Variants in FARP2 observed in about 807,000 individuals in gnomAD.
The protein encoded by FARP2 is FERM, ARH/RhoGEF and pleckstrin domain protein 2.
Under a neutral mutation model 130.5 loss-of-function variants are expected in FARP2, and 111 were observed. The observed-to-expected ratio is 0.85, with a 90% CI of 0.73 to 1.00. FARP2 has a LOEUF of 1.00. FARP2 is among the 50% of genes least tolerant of loss of function. The pLI, the probability that FARP2 is intolerant of heterozygous loss-of-function variation, is 0.00. For synonymous variants in FARP2, 504 were observed against 516.9 expected, an observed-to-expected ratio of 0.98 and a Z score of 0.34; for missense variants, 1,385 against 1,346.3, an observed-to-expected ratio of 1.03 and a Z score of -0.45.
intron 19 of FARP2, among the ~76,000 whole-genome samples, chr2:241,479,155 A>G (rs2064551071): frequency 6.6e-6 from 1 of 152,182 alleles, no homozygotes; most frequent in Non-Finnish European, 1.5e-5. Context: ...GTGGTGAGAG[A>G]CAGGTCCAGC....
chr2:241,437,726 G>A (rs1194233304), intron 12 of FARP2, among the ~76,000 whole-genome samples: 1 of 148,764 alleles, frequency 6.7e-6, no homozygotes, highest in Non-Finnish European at 1.5e-5. Flanking sequence ...GTATAGTGGC[G>A]CGATCTCGGC....
intron 26 of FARP2, 191 bp from the exon 27 acceptor site, chr2:241,493,817 G>C (rs575283026): frequency 1.9e-6 from 1 of 519,710 alleles, no homozygotes; most frequent in Admixed American, 3.2e-5. Flanking sequence ...GGCTGGTCTC[G>C]AACTCCTGAC....
At chr2:241,419,815 C>A (rs2062762118) in intron 8 of FARP2, among the ~76,000 whole-genome samples, 1 of 152,064 alleles carries the variant, frequency 6.6e-6, no homozygotes, top group African/African-American at 2.4e-5. Context: ...TTTTATCAGC[C>A]TTGTTTGTGA....
At chr2:241,387,472 A>G (rs2061811376) in intron 2 of FARP2, among the ~76,000 whole-genome samples, 1 of 152,238 alleles carries the variant, frequency 6.6e-6, no homozygotes, top group Non-Finnish European at 1.5e-5. Flanking sequence ...TGCACTAGCA[A>G]TGAACAATTC....
At chr2:241,374,620 G>C (rs1442701838) in intron 2 of FARP2, among the ~76,000 whole-genome samples, 3 of 152,170 alleles carry the variant, frequency 2.0e-5, no homozygotes, top group South Asian at 2.1e-4. Flanking sequence ...TGGTGGGTGG[G>C]GCAGTGAAGC....
At chr2:241,481,519 T>A (rs539719173) in intron 19 of FARP2, among the ~76,000 whole-genome samples, 6 of 152,328 alleles carry the variant, frequency 3.9e-5, no homozygotes, top group African/African-American at 1.4e-4. Flanking sequence ...GCCTGTAATA[T>A]ACAGGAAACC....
intron 2 of FARP2, among the ~76,000 whole-genome samples, chr2:241,396,313 CA>C (rs1235050933): frequency 6.6e-6 from 1 of 152,162 alleles, no homozygotes; most frequent in African/African-American, 2.4e-5. Context: ...GCAATAGCAA[CA>C]AAAGCCAAAA....
At chr2:241,426,246 G>A (rs549454381) in intron 8 of FARP2, among the ~76,000 whole-genome samples, 2 of 152,292 alleles carry the variant, frequency 1.3e-5, no homozygotes, top group South Asian at 2.1e-4. Flanking sequence ...TTGCTGGACG[G>A]TGTGGAAGAG....
rs998918208 is a variant in FARP2, at chr2:241,459,126, A to G, written c.1587+2204A>G. Among the ~76,000 whole-genome samples the G allele has an allele frequency of 2.6e-5, 4 of 152,340 alleles. No individual in the cohort carries two copies. Among genetic ancestry groups the G allele is most frequent in the African/African-American group, 9.6e-5 (4 of 41,582 alleles). On this transcript the variant is annotated intron_variant, in intron 14 of 26. Coordinates refer to ENST00000264042, the MANE Select transcript of FARP2 (RefSeq NM_014808.4). This position sits in a 1 kb window ranked among gnomAD's most constrained non-coding sequence, Gnocchi z 5.3. ...TGAGATAGCAAGGCTGTTGCCCAGC[A>G]CAGGTGGGCTCCGAGATGGCAAGGA...
At chr2:241,418,526 C>G (rs1181987500) in intron 8 of FARP2, among the ~76,000 whole-genome samples, 1 of 152,060 alleles carries the variant, frequency 6.6e-6, no homozygotes, top group Non-Finnish European at 1.5e-5. Flanking sequence ...CTGGGCTGGA[C>G]TGTGAGCGCT....
At chr2:241,487,056 G>C (rs575156977) in intron 21 of FARP2, among the ~76,000 whole-genome samples, 1 of 152,322 alleles carries the variant, frequency 6.6e-6, no homozygotes, top group African/African-American at 2.4e-5. Flanking sequence ...TCAGCGTGCT[G>C]GTCACTCTGG....
intron 2 of FARP2, among the ~76,000 whole-genome samples, chr2:241,382,987 A>G (rs1426832612): frequency 6.6e-6 from 1 of 152,254 alleles, no homozygotes; most frequent in Non-Finnish European, 1.5e-5. Context: ...AAAAAAGGAA[A>G]TAAGAATCGA....
At chr2:241,372,555 C>T (rs2061447297) in intron 1 of FARP2, 1 of 152,210 alleles carries the variant, frequency 6.6e-6, no homozygotes, top group Admixed American at 6.5e-5. Flanking sequence ...AGGGGAAGAA[C>T]AGCTGCACGA....
intron 20 of FARP2, 122 bp from the exon 21 acceptor site, chr2:241,484,120 A>G (rs1358359741): frequency 3.4e-6 from 5 of 1,478,980 alleles, no homozygotes; most frequent in South Asian, 2.7e-5. Context: ...CTTTCTGCCA[A>G]AAATCTCCAG....
chr2:241,423,649 T>G lies in FARP2; in HGVS notation c.771+5540T>G, dbSNP rs188983094. 6.8e-3 allele frequency among the ~76,000 whole-genome samples: 1,039 copies of G among 152,230 alleles called. 9 individuals are homozygous for G. Among genetic ancestry groups the G allele is most frequent in the African/African-American group, 0.023 (972 of 41,540 alleles). On this transcript the variant is annotated intron_variant, in intron 8 of 26. Coordinates refer to ENST00000264042, the MANE Select transcript of FARP2 (RefSeq NM_014808.4). ...ATGTAAATGGGCTAAATGCCCCCAA[T>G]TAAAAGACACAGAATGGCAAGCTGG...
chr2:241,377,423 G>C (rs1023744646), intron 2 of FARP2, among the ~76,000 whole-genome samples: 1 of 150,800 alleles, frequency 6.6e-6, no homozygotes, highest in Non-Finnish European at 1.5e-5. Context: ...CTCACTGCAA[G>C]CTCCGCTTCC....
In FARP2 at chr2:241,434,978, C is replaced by A. The variant is rs755299546; in HGVS notation, c.1048C>A (p.Gln350Lys). ...SFRYSGRTQK[Q>K]LVDYFKDSGM... is the part of the protein sequence containing the mutation. ...TATTCACAGTGGAAGAACTCAGAAA[C>A]AACTAGTAGATTATTTCAAAGACAG... is the stretch of plus-strand genomic sequence containing the variant. Residue 350 changes from glutamine (Q) to lysine (K), a missense_variant, in exon 11 of 27, where the codon CAA (glutamine) becomes AAA (lysine). By Grantham distance (53) the Gln-to-Lys change is moderately conservative. Coordinates refer to ENST00000264042, the MANE Select transcript of FARP2 (RefSeq NM_014808.4). 3 of 1,587,446 alleles carry A rather than the reference C, an allele frequency of 1.9e-6. No individual in the cohort carries two copies. The highest frequency in any genetic ancestry group is 1.1e-5 in the South Asian group (1 of 88,936).
chr2:241,494,093 CTGGAGGGGA>C lies in FARP2; in HGVS notation c.3137_3145del (p.Glu1046_Met1048del). ...GGATGGCCCCCAACCCTCCTCAGGG[CTGGAGGGGA>C]TGGTCAGGGGGAAGGAGGAATGACG... is the stretch of plus-strand genomic sequence containing the variant. On this transcript the variant is annotated inframe_deletion, in exon 27 of 27. Coordinates refer to ENST00000264042, the MANE Select transcript of FARP2 (RefSeq NM_014808.4). The surrounding 1 kb of genome is among the most constrained non-coding windows in gnomAD (Gnocchi z 4.9). 1.4e-6 allele frequency: 2 copies of C among 1,470,026 alleles called. No homozygotes were observed. The highest frequency in any genetic ancestry group is 1.8e-6 in the Non-Finnish European group (2 of 1,118,334). The allele number at this position is 1,470,026 out of a possible 1,614,324, so 91.1% of individuals were successfully genotyped here.
At chr2:241,413,773 T>C (rs1330029733) in intron 7 of FARP2, among the ~76,000 whole-genome samples, 1 of 151,986 alleles carries the variant, frequency 6.6e-6, no homozygotes, top group Non-Finnish European at 1.5e-5. Context: ...TGAGACCCCA[T>C]CTCTACTAAA....
Sources: allele counts gnomAD v4.1 joint callset (sites outside exome capture counted in the v4.1 genomes callset), GRCh38; gene constraint gnomAD v4.1.1; non-coding constraint Gnocchi (gnomAD v3.1); transcripts MANE v1.5; gene names NCBI Gene and HGNC (gene_info 2026-07-23, HGNC 2026-07-21).